Variants in MAGI2 observed in about 807,000 individuals in gnomAD.
The protein encoded by MAGI2 is membrane-associated guanylate kinase, WW and PDZ domain-containing protein 2.
In MAGI2, 35 loss-of-function variants were observed where a neutral mutation model predicts 133.3. The observed-to-expected ratio is 0.26, with a 90% CI of 0.20 to 0.35. The LOEUF is 0.35. Among genes scored for constraint, MAGI2 ranks in the 10% least tolerant of loss-of-function variants. The probability of loss-of-function intolerance (pLI) is 1.00; values close to 1 mark genes in which losing one functional copy is unlikely to be tolerated. For missense variants in MAGI2, 1,636 were observed against 1,863.4 expected (o/e 0.88, Z 2.25); for synonymous variants, 729 against 710.6 (o/e 1.03, Z -0.41).
chr7:78,879,069 T>TC (rs983460587), intron 2 of MAGI2, among the ~76,000 whole-genome samples: 1 of 152,080 alleles, frequency 6.6e-6, no homozygotes, highest in African/African-American at 2.4e-5. Flanking sequence ...AGATTAGGCA[T>TC]CCCCCACCCC....
chr7:78,043,816 G>T (rs1048457197), intron 21 of MAGI2, among the ~76,000 whole-genome samples: 1 of 152,218 alleles, frequency 6.6e-6, no homozygotes, highest in Non-Finnish European at 1.5e-5. Flanking sequence ...CTTAAGAGGT[G>T]TAAGTTTCAG....
At chr7:78,669,790 T>G (rs1225352022) in intron 2 of MAGI2, among the ~76,000 whole-genome samples, 1 of 152,122 alleles carries the variant, frequency 6.6e-6, no homozygotes, top group Non-Finnish European at 1.5e-5. Context: ...ATAAATGTAA[T>G]CCAGCATATA....
chr7:79,050,061 A>C (rs1168633332), intron 1 of MAGI2, among the ~76,000 whole-genome samples: 1 of 152,126 alleles, frequency 6.6e-6, no homozygotes, highest in African/African-American at 2.4e-5. Flanking sequence ...GGTTGAAATT[A>C]AGTTCCTTCA....
At chr7:78,956,237 G>T (rs1468729960) in intron 2 of MAGI2, among the ~76,000 whole-genome samples, 3 of 152,112 alleles carry the variant, frequency 2.0e-5, no homozygotes, top group African/African-American at 7.2e-5. Flanking sequence ...TTATTAAAAT[G>T]ATGTATTTAT....
chr7:79,441,799 A>G (rs1044597491), intron 1 of MAGI2, among the ~76,000 whole-genome samples: 4 of 152,136 alleles, frequency 2.6e-5, no homozygotes, highest in Non-Finnish European at 5.9e-5. Flanking sequence ...GACTTTAGCT[A>G]AACACTTATA....
At chr7:78,180,449 G>C (rs145444301) in intron 13 of MAGI2, among the ~76,000 whole-genome samples, 30 of 152,316 alleles carry the variant, frequency 2.0e-4, no homozygotes, top group African/African-American at 6.3e-4. Context: ...TTTTGTCAGA[G>C]AATCTGTGAT....
chr7:78,332,305 T>C (rs987497025), intron 9 of MAGI2, among the ~76,000 whole-genome samples: 2 of 152,244 alleles, frequency 1.3e-5, no homozygotes, highest in South Asian at 2.1e-4. Flanking sequence ...GTTTTAAGAA[T>C]TGATGCAATG....
chr7:79,204,398 A>G (rs1201226863), intron 1 of MAGI2, among the ~76,000 whole-genome samples: 1 of 152,076 alleles, frequency 6.6e-6, no homozygotes, highest in East Asian at 1.9e-4. Context: ...TGCATTTGCC[A>G]TAATGAGTGC....
At chr7:79,386,735 A>T (rs1844207306) in intron 1 of MAGI2, among the ~76,000 whole-genome samples, 1 of 152,042 alleles carries the variant, frequency 6.6e-6, no homozygotes, top group African/African-American at 2.4e-5. Context: ...TCAAATTCAA[A>T]TTGAAAACTA....
chr7:78,256,477 C>A lies in MAGI2; in HGVS notation c.1513G>T (p.Val505Leu). Residue 505 changes from valine (V) to leucine (L), a missense_variant, in exon 10 of 22, where the codon GTG (valine) becomes TTG (leucine). By Grantham distance (32) the Val-to-Leu change is conservative. Transcript: ENST00000354212. ...GGCAAAGGGTAGCCACGACACAACACCAGGTTGACACTCTGACCAATAGGA... is the reference window on the plus strand; with the variant it reads ...GGCAAAGGGTAGCCACGACACAACAACAGGTTGACACTCTGACCAATAGGA... ...SVPIGQSVNL[V>L]LCRGYPLPFD... is the part of the protein sequence containing the mutation. The A allele has an allele frequency of 6.2e-7, 1 of 1,613,838 alleles. No individual in the cohort carries two copies. Among genetic ancestry groups the A allele is most frequent in the Non-Finnish European group, 8.5e-7 (1 of 1,179,938 alleles).
At chr7:78,815,318 C>T (rs1300479857) in intron 2 of MAGI2, among the ~76,000 whole-genome samples, 1 of 152,012 alleles carries the variant, frequency 6.6e-6, no homozygotes, top group African/African-American at 2.4e-5. Context: ...TCTGCTCATC[C>T]TAGGGAGGTG....
intron 1 of MAGI2, among the ~76,000 whole-genome samples, chr7:79,355,187 C>T (rs1841940893): frequency 6.6e-6 from 1 of 152,188 alleles, no homozygotes; most frequent in Admixed American, 6.5e-5. Flanking sequence ...CCCCCTCTCA[C>T]TCTCCTGCCC....
At chr7:78,692,395 C>T (rs1047755354) in intron 2 of MAGI2, among the ~76,000 whole-genome samples, 5 of 152,158 alleles carry the variant, frequency 3.3e-5, no homozygotes, top group African/African-American at 1.2e-4. Context: ...CATCCTCAGG[C>T]TGCCACTGAG....
chr7:79,092,666 G>T (rs74720315), intron 1 of MAGI2, among the ~76,000 whole-genome samples: 3,480 of 152,172 alleles, frequency 0.023, 58 homozygotes, highest in African/African-American at 0.043. Context: ...CAAATTTTAG[G>T]TTGCTACAGA....
intron 21 of MAGI2, among the ~76,000 whole-genome samples, chr7:78,063,945 T>C (rs556128302): frequency 1.3e-5 from 2 of 152,316 alleles, no homozygotes; most frequent in South Asian, 4.1e-4. Context: ...GCTTGACAGA[T>C]GCTTATGGAA....
At position 79,069,956 on chromosome 7, in the gene MAGI2, G is replaced by T. The variant is rs113428718; in HGVS notation, c.302-62750C>A. On this transcript the variant is annotated intron_variant, in intron 1 of 21. Coordinates refer to ENST00000354212, the MANE Select transcript of MAGI2 (RefSeq NM_012301.4). ...CCCCCACTCTCTTCTGGCTTGTAGG[G>T]TTTCTGACAAGAGATCTGCTGTTAG... 4.6e-3 allele frequency among the ~76,000 whole-genome samples: 702 copies of T among 152,254 alleles called. 8 individuals are homozygous for T. Among genetic ancestry groups the T allele is most frequent in the African/African-American group, 0.016 (659 of 41,548 alleles).
At chr7:78,780,286 A>G (rs1273081332) in intron 2 of MAGI2, among the ~76,000 whole-genome samples, 2 of 152,200 alleles carry the variant, frequency 1.3e-5, no homozygotes, top group Admixed American at 1.3e-4. Context: ...ATATGCACAA[A>G]TGTCTCTTTC....
At chr7:79,423,052 C>T (rs1563209507) in intron 1 of MAGI2, among the ~76,000 whole-genome samples, 1 of 152,116 alleles carries the variant, frequency 6.6e-6, no homozygotes, top group East Asian at 1.9e-4. Flanking sequence ...CGTTACATGG[C>T]TGCCCAATTA....
At chr7:78,305,725 C>T (rs898775046) in intron 9 of MAGI2, among the ~76,000 whole-genome samples, 2 of 152,144 alleles carry the variant, frequency 1.3e-5, no homozygotes, top group Admixed American at 6.6e-5. Context: ...CATGAAAGAG[C>T]CTGTTCCTTT....
Sources: allele counts gnomAD v4.1 joint callset (sites outside exome capture counted in the v4.1 genomes callset), GRCh38; gene constraint gnomAD v4.1.1; transcripts MANE v1.5; gene names NCBI Gene and HGNC (gene_info 2026-07-23, HGNC 2026-07-21).